The following MYO9B variants were observed in gnomAD, a reference collection of about 807,000 sequenced individuals.
MYO9B encodes the protein unconventional myosin-IXb.
MYO9B carries 71 observed loss-of-function variants against 229.5 expected under a neutral mutation model. That is an observed-to-expected ratio of 0.31 (90% confidence interval 0.26 to 0.38). The LOEUF (loss-of-function observed/expected upper bound fraction) is 0.38, where lower values mean the gene tolerates loss of function less well. Among genes scored for constraint, MYO9B ranks in the 10% least tolerant of loss-of-function variants. MYO9B has a pLI of 1.00. For missense variants in MYO9B, 2,255 were observed against 2,920.5 expected, an observed-to-expected ratio of 0.77 and a Z score of 5.25; for synonymous variants, 1,185 against 1,235.8, an observed-to-expected ratio of 0.96 and a Z score of 0.86.
At chr19:17,165,517 G>C (rs2145329216) in intron 10 of MYO9B, among the ~76,000 whole-genome samples, 1 of 151,988 alleles carries the variant, frequency 6.6e-6, no homozygotes, top group Non-Finnish European at 1.5e-5. Flanking sequence ...CAAGGCTGCA[G>C]TGACCTATGA....
rs932424428 is a variant in MYO9B, at chr19:17,181,868, C to T, written c.2333+828C>T. On this transcript the variant is annotated intron_variant, in intron 15 of 39. Transcript: ENST00000682292. ...TCGGCTCACTGCAACCTCTGCCTCC[C>T]GGGTTCAAGCGATTCTCCCACCTCA... is the stretch of plus-strand genomic sequence containing the variant. Among the ~76,000 whole-genome samples the T allele has an allele frequency of 4.6e-5, 7 of 151,834 alleles. 1 individual carries two copies. Among genetic ancestry groups the T allele is most frequent in the African/African-American group, 7.3e-5 (3 of 41,324 alleles).
intron 2 of MYO9B, among the ~76,000 whole-genome samples, chr19:17,129,977 G>A (rs1049147262): frequency 2.0e-5 from 3 of 152,052 alleles, no homozygotes; most frequent in Non-Finnish European, 2.9e-5. Flanking sequence ...CACCAGACCT[G>A]GTGAACTTTT....
intron 1 of MYO9B, among the ~76,000 whole-genome samples, chr19:17,079,272 G>A (rs2057513523): frequency 6.6e-6 from 1 of 152,216 alleles, no homozygotes; most frequent in African/African-American, 2.4e-5. Flanking sequence ...CAGAGACCAG[G>A]AACTGAATCC....
chr19:17,192,307 G>A (rs1245783138), intron 20 of MYO9B, among the ~76,000 whole-genome samples: 1 of 147,756 alleles, frequency 6.8e-6, no homozygotes, highest in African/African-American at 2.5e-5. Context: ...AAAAGGGGGG[G>A]CCACAGCCAG....
At chr19:17,128,312 G>A (rs1466722417) in intron 2 of MYO9B, among the ~76,000 whole-genome samples, 2 of 152,130 alleles carry the variant, frequency 1.3e-5, no homozygotes, top group Non-Finnish European at 1.5e-5. Flanking sequence ...GATCGCTTAA[G>A]CCCAGGAGTT....
intron 1 of MYO9B, among the ~76,000 whole-genome samples, chr19:17,085,124 T>G (rs530602591): frequency 2.0e-5 from 3 of 152,108 alleles, no homozygotes; most frequent in African/African-American, 4.8e-5. Context: ...AGGGATGAGC[T>G]TCAAGGGGAG....
rs869297825 is a variant in MYO9B, at chr19:17,134,381, G to GTTTTTTTTTTTTTTTTTTTTT, written c.841-11008_841-10988dup. Among the ~76,000 whole-genome samples, 11 of 46,478 alleles carry GTTTTTTTTTTTTTTTTTTTTT rather than the reference G, an allele frequency of 2.4e-4. 1 individual carries two copies. Among genetic ancestry groups the GTTTTTTTTTTTTTTTTTTTTT allele is most frequent in the Non-Finnish European group, 3.4e-4 (9 of 26,432 alleles). 30.5% of individuals were successfully genotyped at this position (46,478 alleles called of 152,430 possible). ...CTTTGTTTTTTTTTTCGTTTTGTTT[G>GTTTTTTTTTTTTTTTTTTTTT]TTTTTTTTTTTTTTTTTTTTTTTTT... is the stretch of plus-strand genomic sequence containing the variant. On this transcript the variant is annotated intron_variant, in intron 2 of 39. Coordinates refer to ENST00000682292, the MANE Select transcript of MYO9B (RefSeq NM_004145.4).
At position 17,120,096 on chromosome 19, in the gene MYO9B, CA is replaced by C. The variant is rs1390438191; in HGVS notation, c.840+17542del. On this transcript the variant is annotated intron_variant, in intron 2 of 39. Coordinates refer to ENST00000682292, the MANE Select transcript of MYO9B (RefSeq NM_004145.4). The stretch of plus-strand genomic sequence containing the variant: ...GGAGGATTGCAGGCCCATGATATGT[CA>C]AAGGCAGGATGTGTAAACCAAGATG... 2.6e-5 allele frequency among the ~76,000 whole-genome samples: 4 copies of C among 151,728 alleles called. No individual in the cohort carries two copies. In the East Asian group the frequency reaches 7.9e-4, roughly 30 times the overall value.
At chr19:17,126,667 CTTTTT>C (rs1555695751) in intron 2 of MYO9B, among the ~76,000 whole-genome samples, 2 of 135,240 alleles carry the variant, frequency 1.5e-5, no homozygotes, top group African/African-American at 2.7e-5. Flanking sequence ...TTTTTTTTTT[CTTTTT>C]TTTTTTTTTT....
intron 3 of MYO9B, among the ~76,000 whole-genome samples, chr19:17,150,165 C>G (rs1221794419): frequency 1.3e-5 from 2 of 152,224 alleles, no homozygotes; most frequent in Non-Finnish European, 2.9e-5. Context: ...AATCCCAGCA[C>G]TTTGGGGGAG....
intron 2 of MYO9B, among the ~76,000 whole-genome samples, chr19:17,115,305 T>A (rs368009353): frequency 1.3e-5 from 2 of 152,256 alleles, no homozygotes; most frequent in South Asian, 2.1e-4. Context: ...GCACCATGAG[T>A]GCAGAGCCGA....
At chr19:17,094,551 C>T (rs140779160) in intron 1 of MYO9B, among the ~76,000 whole-genome samples, 3 of 152,278 alleles carry the variant, frequency 2.0e-5, no homozygotes, top group African/African-American at 7.2e-5. Context: ...GGTCAATTTG[C>T]ATTTTCTAGA....
chr19:17,091,850 G>A (rs770222356), intron 1 of MYO9B, among the ~76,000 whole-genome samples: 2 of 152,190 alleles, frequency 1.3e-5, no homozygotes, highest in Admixed American at 6.5e-5. Flanking sequence ...GGCGGGGCAC[G>A]CATCTGCCAG....
intron 18 of MYO9B, 88 bp downstream of exon 18, chr19:17,186,089 C>T (rs567672065): frequency 1.5e-5 from 18 of 1,182,760 alleles, no homozygotes; most frequent in Middle Eastern, 2.5e-4. Flanking sequence ...CCAGCCTCCA[C>T]GCAGTATGGG....
intron 24 of MYO9B, 101 bp downstream of exon 24, chr19:17,198,409 A>C: frequency 6.6e-7 from 1 of 1,504,300 alleles, no homozygotes; most frequent in Non-Finnish European, 9.0e-7. Flanking sequence ...TCACGTTTAC[A>C]AAGCACGTTC....
At chr19:17,155,407 T>C (rs2072526200) in intron 6 of MYO9B, among the ~76,000 whole-genome samples, 1 of 152,128 alleles carries the variant, frequency 6.6e-6, no homozygotes, top group African/African-American at 2.4e-5. Context: ...TTTTGAATTC[T>C]TGGGCTCAAG....
intron 1 of MYO9B, among the ~76,000 whole-genome samples, chr19:17,096,187 A>T (rs749919309): frequency 1.3e-5 from 2 of 152,148 alleles, no homozygotes; most frequent in African/African-American, 4.8e-5. Flanking sequence ...ACCATATTCC[A>T]TGGTGTGGTC....
chr19:17,201,853 C>T (rs1348547125), intron 26 of MYO9B, 73 bp from the exon 27 acceptor site: 1 of 1,105,536 alleles, frequency 9.0e-7, no homozygotes, highest in East Asian at 2.5e-5. Flanking sequence ...TAGAAGTGAC[C>T]CCTTGGGCAC....
chr19:17,191,766 A>G (rs2145445074), intron 20 of MYO9B, among the ~76,000 whole-genome samples: 1 of 152,012 alleles, frequency 6.6e-6, no homozygotes, highest in South Asian at 2.1e-4. Context: ...CCTTGAGCCC[A>G]GGAGTTTGAG....
Sources: gnomAD v4.1 joint callset for allele counts (sites outside exome capture counted in the v4.1 genomes callset) on GRCh38, gnomAD v4.1.1 for gene constraint, MANE v1.5 for transcripts, NCBI Gene and HGNC (gene_info 2026-07-23, HGNC 2026-07-21) for gene names.